The following MAGI1 variants were observed in gnomAD, a reference collection of about 807,000 sequenced individuals.
MAGI1 encodes membrane-associated guanylate kinase, WW and PDZ domain-containing protein 1.
Under a neutral mutation model 139.9 loss-of-function variants are expected in MAGI1, and 58 were observed. The observed-to-expected ratio is 0.41, with a 90% CI of 0.34 to 0.52. MAGI1 has a LOEUF of 0.52. MAGI1 is among the 20% of genes least tolerant of loss of function. The probability of loss-of-function intolerance (pLI) is 0.12; values close to 1 mark genes in which losing one functional copy is unlikely to be tolerated. For synonymous variants in MAGI1, 812 were observed against 737.9 expected (o/e 1.10, Z -1.63); for missense variants, 1,874 against 1,901.6 (o/e 0.99, Z 0.27).
chr3:65,967,841 G>A (rs2064831400), intron 1 of MAGI1, among the ~76,000 whole-genome samples: 2 of 152,212 alleles, frequency 1.3e-5, no homozygotes, highest in African/African-American at 4.8e-5. Context: ...GGAAGGGAAG[G>A]AAGAGTGAGG....
chr3:65,692,669 T>G (rs535393866), intron 1 of MAGI1, among the ~76,000 whole-genome samples: 13 of 152,150 alleles, frequency 8.5e-5, no homozygotes, highest in African/African-American at 3.1e-4. Flanking sequence ...GGTGGGACCT[T>G]TGGCAAGTGA....
In MAGI1 at chr3:65,839,875, C is replaced by T. The variant is rs561472755; in HGVS notation, c.313+198121G>A. 3.3e-5 allele frequency among the ~76,000 whole-genome samples: 5 copies of T among 152,292 alleles called. No individual in the cohort carries two copies. In the South Asian group the frequency reaches 1.0e-3, roughly 32 times the overall value. ...GTCATGTTGTAAAGCATCTTTACGACGTTGAGTCTTCAATATATGCAATGA... is the reference window on the plus strand; with the variant it reads ...GTCATGTTGTAAAGCATCTTTACGATGTTGAGTCTTCAATATATGCAATGA... On this transcript the variant is annotated intron_variant, in intron 1 of 22. Coordinates refer to ENST00000402939, the MANE Select transcript of MAGI1 (RefSeq NM_001033057.2).
intron 4 of MAGI1, 31 bp from the exon 5 acceptor site, chr3:65,470,515 G>GA (rs1559584172): frequency 1.5e-6 from 2 of 1,369,020 alleles, no homozygotes; most frequent in Admixed American, 2.3e-5. Flanking sequence ...GTGAGAGAGA[G>GA]AGAGAGAGAA....
At chr3:65,942,103 A>C (rs1490245062) in intron 1 of MAGI1, among the ~76,000 whole-genome samples, 1 of 152,164 alleles carries the variant, frequency 6.6e-6, no homozygotes, top group Non-Finnish European at 1.5e-5. Flanking sequence ...TTCTTAGAAA[A>C]TGCCATTTTC....
chr3:65,530,825 A>G lies in MAGI1; in HGVS notation c.431-37194T>C, dbSNP rs1296159241. Among the ~76,000 whole-genome samples, 2 of 14,916 alleles carry G rather than the reference A, an allele frequency of 1.3e-4. 1 individual carries two copies. The highest frequency in any genetic ancestry group is 4.3e-4 in the Non-Finnish European group (2 of 4,704). 9.8% of individuals were successfully genotyped at this position (14,916 alleles called of 152,430 possible). A position where few individuals can be genotyped will look rare whatever the true frequency, so the allele number is the denominator to read the frequency against. ...TATATACACACATATATATACACGT[A>G]TATATATATATATACACACACACAC... is the stretch of plus-strand genomic sequence containing the variant. On this transcript the variant is annotated intron_variant, in intron 2 of 22. Coordinates refer to ENST00000402939, the MANE Select transcript of MAGI1 (RefSeq NM_001033057.2).
chr3:65,903,181 A>T (rs770739579), intron 1 of MAGI1, among the ~76,000 whole-genome samples: 1 of 152,184 alleles, frequency 6.6e-6, no homozygotes, highest in Non-Finnish European at 1.5e-5. Flanking sequence ...TTTTTTGTAT[A>T]GACAGGGTCT....
Position 65,961,559 on chromosome 3 carries a change from A to G in MAGI1, c.313+76437T>C, listed in dbSNP as rs2064424391. Among the ~76,000 whole-genome samples the G allele has an allele frequency of 3.3e-5, 5 of 152,232 alleles. No homozygotes were observed. The South Asian group carries it at 1.0e-3, about 32-fold the overall frequency. On this transcript the variant is annotated intron_variant, in intron 1 of 22. Coordinates refer to ENST00000402939, the MANE Select transcript of MAGI1 (RefSeq NM_001033057.2). ...GTGCATTCAACATAGAAAGACCCTT[A>G]AATATGCTATGCAGGGTATCTTAGA...
chr3:65,362,899 G>A (rs980156950), intron 21 of MAGI1, among the ~76,000 whole-genome samples: 1 of 152,202 alleles, frequency 6.6e-6, no homozygotes, highest in African/African-American at 2.4e-5. Context: ...GAGCAGAGTG[G>A]ACTTTTGGCA....
At chr3:65,440,833 ATATACATATATACATATG>A (rs1345847263) in intron 8 of MAGI1, among the ~76,000 whole-genome samples, 8 of 73,674 alleles carry the variant, frequency 1.1e-4, no homozygotes, top group Non-Finnish European at 2.4e-4. Context: ...ACATGTATAC[ATATACATATATACATATG>A]TATACATATA....
At chr3:65,681,511 G>A (rs1002863636) in intron 1 of MAGI1, among the ~76,000 whole-genome samples, 3 of 152,008 alleles carry the variant, frequency 2.0e-5, no homozygotes, top group South Asian at 2.1e-4. Context: ...ATATCCAACC[G>A]GGACAGACAT....
chr3:65,649,878 T>C (rs1052059028), intron 1 of MAGI1, among the ~76,000 whole-genome samples: 7 of 152,210 alleles, frequency 4.6e-5, no homozygotes, highest in African/African-American at 1.7e-4. Flanking sequence ...TACAGAAAGC[T>C]GGATCACTCA....
intron 13 of MAGI1, among the ~76,000 whole-genome samples, chr3:65,393,052 A>G (rs1254557738): frequency 2.0e-5 from 3 of 152,188 alleles, no homozygotes; most frequent in Admixed American, 2.0e-4. Flanking sequence ...CACCATCATA[A>G]TCCCACGTCA....
chr3:65,876,445 A>G (rs1470448667), intron 1 of MAGI1, among the ~76,000 whole-genome samples: 1 of 152,192 alleles, frequency 6.6e-6, no homozygotes, highest in African/African-American at 2.4e-5. Flanking sequence ...AATAAGGTAG[A>G]CGGGAAAAAA....
At chr3:65,484,265 C>A (rs1314094683) in intron 3 of MAGI1, among the ~76,000 whole-genome samples, 1 of 152,092 alleles carries the variant, frequency 6.6e-6, no homozygotes, top group Non-Finnish European at 1.5e-5. Flanking sequence ...CCCAAAGTGG[C>A]AGAAACGCCT....
intron 3 of MAGI1, among the ~76,000 whole-genome samples, chr3:65,487,171 T>C (rs999911969): frequency 5.9e-5 from 9 of 152,208 alleles, no homozygotes; most frequent in African/African-American, 2.2e-4. Flanking sequence ...CAGATCTCAC[T>C]TCAATTACTA....
chr3:66,026,244 G>A (rs2107575241), intron 1 of MAGI1, among the ~76,000 whole-genome samples: 1 of 152,116 alleles, frequency 6.6e-6, no homozygotes, highest in East Asian at 1.9e-4. Flanking sequence ...TAAGCAACAG[G>A]CGCAAGCAGA....
intron 1 of MAGI1, among the ~76,000 whole-genome samples, chr3:65,804,092 T>A (rs2040686850): frequency 6.6e-6 from 1 of 152,164 alleles, no homozygotes; most frequent in African/African-American, 2.4e-5. Context: ...AAGTCCCCTT[T>A]ATAACACTGA....
chr3:65,690,567 C>G (rs993445351), intron 1 of MAGI1, among the ~76,000 whole-genome samples: 1 of 152,006 alleles, frequency 6.6e-6, no homozygotes, highest in Admixed American at 6.6e-5. Flanking sequence ...ACCTCCACCT[C>G]CTGGGTTGAA....
intron 12 of MAGI1, among the ~76,000 whole-genome samples, chr3:65,414,365 G>C (rs967870423): frequency 3.9e-5 from 6 of 152,190 alleles, no homozygotes; most frequent in African/African-American, 1.4e-4. Context: ...GTGACTAATA[G>C]ATGTTATAGA....
Sources: gnomAD v4.1 joint callset for allele counts (sites outside exome capture counted in the v4.1 genomes callset) on GRCh38, gnomAD v4.1.1 for gene constraint, MANE v1.5 for transcripts, NCBI Gene and HGNC (gene_info 2026-07-23, HGNC 2026-07-21) for gene names.